The following TENM3 variants were observed in gnomAD, a reference collection of about 807,000 sequenced individuals.
TENM3 encodes teneurin-3.
In TENM3, 63 loss-of-function variants were observed where a neutral mutation model predicts 255.1. That is an observed-to-expected ratio of 0.25 (90% confidence interval 0.20 to 0.30). TENM3 has a LOEUF of 0.30. TENM3 is among the 10% of genes least tolerant of loss of function. The probability of loss-of-function intolerance (pLI) is 1.00; values close to 1 mark genes in which losing one functional copy is unlikely to be tolerated. For missense variants in TENM3, 2,929 were observed against 3,461.1 expected (o/e 0.85, Z 3.86); for synonymous variants, 1,306 against 1,322.3 (o/e 0.99, Z 0.27).
the TENM3 span, among the ~76,000 whole-genome samples, chr4:181,631,114 T>C: frequency 6.6e-6 from 1 of 152,098 alleles, no homozygotes; most frequent in Non-Finnish European, 1.5e-5. Flanking sequence ...CTCCCCCAGA[T>C]TGTTGGCAGA....
intron 3 of TENM3, among the ~76,000 whole-genome samples, chr4:182,398,515 G>T (rs1769005366): frequency 6.6e-6 from 1 of 152,166 alleles, no homozygotes; most frequent in South Asian, 2.1e-4. Flanking sequence ...TGTGAGAGGG[G>T]CATCAAAGAA....
chr4:181,541,016 G>A, the TENM3 span, among the ~76,000 whole-genome samples: 1 of 152,122 alleles, frequency 6.6e-6, no homozygotes, highest in Non-Finnish European at 1.5e-5. Context: ...TATTTTAAAT[G>A]TTTGTTTAGA....
chr4:181,829,887 G>A, the TENM3 span: 1 of 152,278 alleles, frequency 6.6e-6, no homozygotes. Flanking sequence ...GCCTGCTCAT[G>A]GTTACGTTCT....
intron 3 of TENM3, 64 bp downstream of exon 3, chr4:182,346,993 C>G (rs1764864186): frequency 9.6e-7 from 1 of 1,045,612 alleles, no homozygotes; most frequent in Non-Finnish European, 1.2e-6. Flanking sequence ...TGGTTGACTC[C>G]GCGGGGGGGG....
chr4:181,805,800 T>C, the TENM3 span, among the ~76,000 whole-genome samples: 1 of 152,288 alleles, frequency 6.6e-6, no homozygotes, highest in African/African-American at 2.4e-5. Flanking sequence ...TTAAACTTTT[T>C]CTCACCTTAT....
At chr4:182,014,045 TATATATAC>T in the TENM3 span, among the ~76,000 whole-genome samples, 1 of 35,942 alleles carries the variant, frequency 2.8e-5, no homozygotes, top group Non-Finnish European at 5.8e-5. Context: ...CATATATACG[TATATATAC>T]GTGTATATAC....
the TENM3 span, among the ~76,000 whole-genome samples, chr4:181,498,741 C>G: frequency 6.6e-6 from 1 of 151,942 alleles, no homozygotes; most frequent in African/African-American, 2.4e-5. Context: ...TTCATGAACA[C>G]GAAAATTCAT....
the TENM3 span, among the ~76,000 whole-genome samples, chr4:181,720,359 T>A: frequency 2.6e-5 from 4 of 152,218 alleles, no homozygotes; most frequent in Non-Finnish European, 5.9e-5. Flanking sequence ...TCCTATTTGA[T>A]GTCATTTTTT....
chr4:182,547,320 C>A lies in TENM3; in HGVS notation c.512-53604C>A, dbSNP rs573262948. Among the ~76,000 whole-genome samples the A allele has an allele frequency of 7.9e-5, 12 of 152,152 alleles. No individual in the cohort carries two copies. The East Asian group carries it at 2.3e-3, about 29-fold the overall frequency. On this transcript the variant is annotated intron_variant, in intron 3 of 27. Transcript: ENST00000511685. ...TAAACTATATTATGGTTACTTTTCT[C>A]GTGCTTTTCAGATATTTGAGAAATT...
the TENM3 span, among the ~76,000 whole-genome samples, chr4:181,994,942 G>A: frequency 5.3e-5 from 8 of 152,214 alleles, no homozygotes; most frequent in African/African-American, 1.4e-4. Context: ...GAGCGATTAC[G>A]ATTCATTGGA....
chr4:181,970,350 A>G, the TENM3 span, among the ~76,000 whole-genome samples: 1 of 152,230 alleles, frequency 6.6e-6, no homozygotes, highest in Non-Finnish European at 1.5e-5. Context: ...GCTACAGAGC[A>G]GTAAAATTAA....
chr4:181,548,745 G>A, the TENM3 span, among the ~76,000 whole-genome samples: 1 of 152,052 alleles, frequency 6.6e-6, no homozygotes, highest in African/African-American at 2.4e-5. Context: ...GAAATGGGAG[G>A]AGCAAGGAAA....
rs151272890 is a variant in TENM3 at position 182,597,746 on chromosome 4, T to G, written c.512-3178T>G. On this transcript the variant is annotated intron_variant, in intron 3 of 27. Transcript: ENST00000511685. ...ATCTTGTTACACTTTATATACTGAT[T>G]CTATCTTGAGTAAATTGGTACGGAT... Among the ~76,000 whole-genome samples, 4 of 152,326 alleles carry G rather than the reference T, an allele frequency of 2.6e-5. No homozygotes were observed. The East Asian group carries it at 7.7e-4, about 29-fold the overall frequency.
At chr4:182,263,162 G>A (rs111385025) in intron 1 of TENM3, among the ~76,000 whole-genome samples, 8 of 152,146 alleles carry the variant, frequency 5.3e-5, no homozygotes, top group Non-Finnish European at 1.0e-4. Context: ...CCTGAGCCGC[G>A]GGGTCAGGGG....
At chr4:182,205,585 C>T (rs556928225) in intron 1 of TENM3, among the ~76,000 whole-genome samples, 30 of 152,354 alleles carry the variant, frequency 2.0e-4, no homozygotes, top group African/African-American at 6.5e-4. Context: ...TCCCCTGGGC[C>T]CCCCCAAATC....
intron 3 of TENM3, among the ~76,000 whole-genome samples, chr4:182,577,186 A>G (rs761301576): frequency 6.6e-6 from 1 of 152,160 alleles, no homozygotes; most frequent in Non-Finnish European, 1.5e-5. Context: ...AACCCAGCAT[A>G]TTTCATCTCT....
chr4:182,272,750 T>C (rs1321030943), intron 1 of TENM3, among the ~76,000 whole-genome samples: 1 of 152,192 alleles, frequency 6.6e-6, no homozygotes, highest in African/African-American at 2.4e-5. Context: ...ATGGAGTTTA[T>C]AATCTAGAGA....
At chr4:181,535,125 G>T in the TENM3 span, among the ~76,000 whole-genome samples, 2 of 152,164 alleles carry the variant, frequency 1.3e-5, no homozygotes, top group African/African-American at 4.8e-5. Flanking sequence ...GTCTCCGGAT[G>T]TCACAGTCCC....
chr4:182,499,107 A>G (rs1040046061), intron 3 of TENM3, among the ~76,000 whole-genome samples: 3 of 152,206 alleles, frequency 2.0e-5, no homozygotes, highest in Non-Finnish European at 4.4e-5. Flanking sequence ...TGGTCATTCA[A>G]TGTACTTCAA....
Sources: allele counts gnomAD v4.1 joint callset (sites outside exome capture counted in the v4.1 genomes callset), GRCh38; gene constraint gnomAD v4.1.1; transcripts MANE v1.5; gene names NCBI Gene and HGNC (gene_info 2026-07-23, HGNC 2026-07-21).